OGDH: variants seen among roughly 807,000 people sequenced by gnomAD.
OGDH encodes the protein oxoglutarate dehydrogenase.
A neutral mutation model predicts 116.6 loss-of-function variants in OGDH; 38 were observed. The observed-to-expected ratio is 0.33, with a 90% CI of 0.25 to 0.43. The LOEUF (loss-of-function observed/expected upper bound fraction) is 0.43, where lower values mean the gene tolerates loss of function less well. Ranked by LOEUF, OGDH falls within the 20% of genes least tolerant of loss-of-function variation. OGDH has a pLI of 1.00. For synonymous variants in OGDH, 488 were observed against 533.3 expected (o/e 0.92, Z 1.17); for missense variants, 825 against 1,357.2 (o/e 0.61, Z 6.16).
chr7:44,697,231 G>T lies in OGDH; in HGVS notation c.2052-139G>T. ...CTATGGGTGCTTCTGTTAAGACCTGGGTGGGGCCGACCCTGCAGCTGCCTG... is the reference window on the plus strand; with the variant it reads ...CTATGGGTGCTTCTGTTAAGACCTGTGTGGGGCCGACCCTGCAGCTGCCTG... On this transcript the variant is annotated intron_variant, in intron 15 of 22. Transcript: ENST00000222673. This position sits in a 1 kb window ranked among gnomAD's most constrained non-coding sequence, Gnocchi z 6.0. 1.4e-6 allele frequency: 2 copies of T among 1,456,048 alleles called. No homozygotes were observed. Among genetic ancestry groups the T allele is most frequent in the South Asian group, 2.6e-5 (2 of 77,790 alleles). 90.2% of individuals were successfully genotyped at this position (1,456,048 alleles called of 1,614,324 possible). A position where few individuals can be genotyped will look rare whatever the true frequency, so the allele number is the denominator to read the frequency against.
At chr7:44,639,951 A>G (rs1585265482) in intron 2 of OGDH, among the ~76,000 whole-genome samples, 1 of 152,212 alleles carries the variant, frequency 6.6e-6, no homozygotes, top group African/African-American at 2.4e-5. Flanking sequence ...CCGTCTGTGC[A>G]GTTATCCTCA....
intron 10 of OGDH, among the ~76,000 whole-genome samples, chr7:44,687,130 C>T (rs1318028640): frequency 8.2e-6 from 1 of 122,006 alleles, no homozygotes; most frequent in Non-Finnish European, 1.6e-5. Flanking sequence ...TGGAGTCTGG[C>T]TCTGTCACCC....
chr7:44,639,918 T>G (rs1307432651), intron 2 of OGDH, among the ~76,000 whole-genome samples: 1 of 152,260 alleles, frequency 6.6e-6, no homozygotes, highest in East Asian at 1.9e-4. Context: ...TTTTTCTGAC[T>G]GCCTCCAGCA....
chr7:44,689,208 CTTTTTTTTTTTT>C (rs367897508), intron 10 of OGDH, among the ~76,000 whole-genome samples: 1 of 101,320 alleles, frequency 9.9e-6, no homozygotes, highest in African/African-American at 4.1e-5. Flanking sequence ...ATCAGGGTTC[CTTTTTTTTTTTT>C]TTTTTTTTTT....
intron 1 of OGDH, among the ~76,000 whole-genome samples, chr7:44,608,108 C>T (rs966070034): frequency 3.3e-5 from 5 of 152,260 alleles, no homozygotes; most frequent in African/African-American, 1.2e-4. Context: ...ACCCATTTGA[C>T]GTGCACAATT....
At chr7:44,624,295 T>G (rs1322196595) in intron 1 of OGDH, 22 bp from the exon 2 acceptor site, 5 of 1,016,196 alleles carry the variant, frequency 4.9e-6, no homozygotes, top group Admixed American at 7.0e-5. Context: ...TTTCTTGTTT[T>G]TTTTTTTTTT....
intron 1 of OGDH, among the ~76,000 whole-genome samples, chr7:44,615,602 C>G (rs1784738405): frequency 6.6e-6 from 1 of 152,212 alleles, no homozygotes. Flanking sequence ...AGTTTTCCAT[C>G]TTGCTGCTCT....
At chr7:44,631,827 C>T (rs975187876) in intron 2 of OGDH, among the ~76,000 whole-genome samples, 1 of 151,406 alleles carries the variant, frequency 6.6e-6, no homozygotes, top group Non-Finnish European at 1.5e-5. Context: ...CTCCCCCTCT[C>T]CACCCCCTTC....
At chr7:44,637,389 T>C (rs1330622179) in intron 2 of OGDH, among the ~76,000 whole-genome samples, 2 of 152,282 alleles carry the variant, frequency 1.3e-5, no homozygotes, top group Admixed American at 6.5e-5. Flanking sequence ...TTACTGGTTT[T>C]TCTTATTCTT....
Position 44,697,880 on chromosome 7 carries a change from C to A in OGDH, c.2358+98C>A. On this transcript the variant is annotated intron_variant, in intron 17 of 22. Transcript: ENST00000222673. This position sits in a 1 kb window ranked among gnomAD's most constrained non-coding sequence, Gnocchi z 6.0. ...TGGCACGAGAGCCAGTGGCTCACAC[C>A]AGCCTCCTAAGGACTCTGCTGGTGC... 1 of 1,390,754 alleles carries A rather than the reference C, an allele frequency of 7.2e-7. No homozygotes were observed. The highest frequency in any genetic ancestry group is 1.4e-5 in the South Asian group (1 of 71,986). 86.2% of individuals were successfully genotyped at this position (1,390,754 alleles called of 1,614,324 possible). A position where few individuals can be genotyped will look rare whatever the true frequency, so the allele number is the denominator to read the frequency against.
At chr7:44,634,133 G>C (rs1466937415) in intron 2 of OGDH, among the ~76,000 whole-genome samples, 3 of 152,234 alleles carry the variant, frequency 2.0e-5, no homozygotes, top group Non-Finnish European at 4.4e-5. Context: ...GAAGGCCTCT[G>C]ATGTGTCTGG....
At chr7:44,646,985 C>G (rs931609439) in intron 3 of OGDH, among the ~76,000 whole-genome samples, 2 of 152,200 alleles carry the variant, frequency 1.3e-5, no homozygotes, top group Non-Finnish European at 2.9e-5. Flanking sequence ...TGGGATCTCA[C>G]TGTGTTGCCC....
chr7:44,666,908 A>T (rs1585321205), intron 5 of OGDH, 57 bp downstream of exon 5: 25 of 1,076,820 alleles, frequency 2.3e-5, no homozygotes, highest in Non-Finnish European at 3.4e-5. Flanking sequence ...TATTGGCAGG[A>T]TGGCTTTGAG....
Position 44,708,940 on chromosome 7 carries a change from C to G in OGDH, c.*941C>G, listed in dbSNP as rs1232143894. The stretch of plus-strand genomic sequence containing the variant: ...GGCCATGGCCAAGGGGCCAGCTGCC[C>G]CTCATTTATCACTCTGACCTTCACA... On this transcript the variant is annotated 3_prime_UTR_variant, in exon 23 of 23. Transcript: ENST00000222673. 6.6e-6 allele frequency: 1 copy of G among 152,166 alleles called. No homozygotes were observed. The highest frequency in any genetic ancestry group is 1.5e-5 in the Non-Finnish European group (1 of 68,046). 9.4% of individuals were successfully genotyped at this position (152,166 alleles called of 1,614,324 possible).
chr7:44,647,797 T>C lies in OGDH; in HGVS notation c.517+38T>C, dbSNP rs1204666452. 19 of 1,524,742 alleles carry C rather than the reference T, an allele frequency of 1.2e-5. No individual in the cohort carries two copies. In the Admixed American group the frequency reaches 3.2e-4, roughly 25 times the overall value. 94.5% of individuals were successfully genotyped at this position (1,524,742 alleles called of 1,614,324 possible). ...GAGCAGTCAGCTGCGTTGCTTGAGC[T>C]CCTCTCGCTGTGCCACGACCTGTGG... On this transcript the variant is annotated intron_variant, in intron 4 of 22. Coordinates refer to ENST00000222673, the MANE Select transcript of OGDH (RefSeq NM_002541.4).
chr7:44,638,378 A>G (rs1451615282), intron 2 of OGDH, among the ~76,000 whole-genome samples: 2 of 152,152 alleles, frequency 1.3e-5, no homozygotes, highest in Non-Finnish European at 2.9e-5. Flanking sequence ...GACTGCCTCC[A>G]TTTCTCATGA....
intron 2 of OGDH, among the ~76,000 whole-genome samples, chr7:44,641,209 C>CTTTTTTTTTTTTTTTCTT (rs1286837510): frequency 1.3e-4 from 14 of 108,622 alleles, no homozygotes; most frequent in Non-Finnish European, 2.5e-4. Context: ...CCTTTTTCTT[C>CTTTTTTTTTTTTTTTCTT]TTTTTTTTTT....
At chr7:44,636,907 A>G (rs972884589) in intron 2 of OGDH, among the ~76,000 whole-genome samples, 3 of 152,124 alleles carry the variant, frequency 2.0e-5, no homozygotes, top group East Asian at 1.9e-4. Context: ...AAACCCACTC[A>G]TGGGAAGTTG....
chr7:44,673,479 G>A lies in OGDH; in HGVS notation c.634-308G>A, dbSNP rs993999957. Among the ~76,000 whole-genome samples, 7 of 152,280 alleles carry A rather than the reference G, an allele frequency of 4.6e-5. No individual in the cohort carries two copies. The South Asian group carries it at 1.2e-3, about 27-fold the overall frequency. ...AAGGACCCAGTTCCACAACTGTTGC[G>A]GTCTGTGCTTCTTGCCACAAAGGTA... On this transcript the variant is annotated intron_variant, in intron 5 of 22. Transcript: ENST00000222673.
Sources: allele counts gnomAD v4.1 joint callset (sites outside exome capture counted in the v4.1 genomes callset), GRCh38; gene constraint gnomAD v4.1.1; non-coding constraint Gnocchi (gnomAD v3.1); transcripts MANE v1.5; gene names NCBI Gene and HGNC (gene_info 2026-07-23, HGNC 2026-07-21).